The following THTPA variants were observed in gnomAD, a reference collection of about 807,000 sequenced individuals.
The protein encoded by THTPA is thiamine triphosphatase, also known as thiamine-triphosphatase.
In THTPA, 16 loss-of-function variants were observed where a neutral mutation model predicts 16.5. The ratio of observed to expected loss-of-function variants is 0.97; its 90% confidence interval spans 0.66 to 1.47. THTPA has a LOEUF of 1.47. THTPA is among the 40% of genes most tolerant of loss of function. The pLI is 0.00. For synonymous variants in THTPA, 110 were observed against 115.5 expected (o/e 0.95, Z 0.30); for missense variants, 281 against 280.9 (o/e 1.00, Z 0.00).
chr14:23,531,836 G>C, the THTPA span: 2 of 1,227,172 alleles, frequency 1.6e-6, no homozygotes. Flanking sequence ...GGAGTGCAGT[G>C]GCATGATCTC....
the THTPA span, among the ~76,000 whole-genome samples, chr14:23,548,946 TTCC>T: frequency 3.3e-5 from 5 of 152,176 alleles, no homozygotes; most frequent in Non-Finnish European, 7.3e-5. Flanking sequence ...CTCTCCTCTT[TTCC>T]TCCTACCAAG....
chr14:23,513,321 G>T, the THTPA span: 1 of 152,328 alleles, frequency 6.6e-6, no homozygotes, highest in East Asian at 1.9e-4. Flanking sequence ...TGCTGAATCC[G>T]GCTGCCTCCT....
At position 23,559,744 on chromosome 14, in the gene THTPA, G is replaced by T; in HGVS notation, c.*904G>T. On this transcript the variant is annotated 3_prime_UTR_variant, in exon 2 of 2. Coordinates refer to ENST00000288014, the MANE Select transcript of THTPA (RefSeq NM_024328.6). ...AGGAGAATTTCAGGCTGTGAGTGGAGACAGTTACTGCCACGATTCCACAGG... is the reference window on the plus strand; with the variant it reads ...AGGAGAATTTCAGGCTGTGAGTGGATACAGTTACTGCCACGATTCCACAGG... 6.2e-7 allele frequency: 1 copy of T among 1,613,834 alleles called. No homozygotes were observed. Among genetic ancestry groups the T allele is most frequent in the African/African-American group, 1.3e-5 (1 of 75,032 alleles).
the THTPA span, among the ~76,000 whole-genome samples, chr14:23,550,804 C>T: frequency 6.6e-6 from 1 of 152,172 alleles, no homozygotes; most frequent in Non-Finnish European, 1.5e-5. Flanking sequence ...CGAACGAAGA[C>T]TGAGAGTATC....
At chr14:23,527,904 T>C in the THTPA span, 1 of 434,862 alleles carries the variant, frequency 2.3e-6, no homozygotes, top group Non-Finnish European at 3.3e-6. Flanking sequence ...CCCACTCCTT[T>C]TTTTTTTTTT....
At chr14:23,555,619 T>G (rs1420934718), upstream of THTPA, 1 of 152,140 alleles carries the variant, frequency 6.6e-6, no homozygotes, top group South Asian at 2.1e-4. Context: ...AGGTATTAGA[T>G]CCCCTCTAAA....
chr14:23,515,424 A>G, the THTPA span, among the ~76,000 whole-genome samples: 3 of 152,220 alleles, frequency 2.0e-5, no homozygotes, highest in Admixed American at 6.5e-5. Flanking sequence ...CAGAAAGACT[A>G]TGCAAGGCAC....
At chr14:23,518,769 T>TACTA in the THTPA span, among the ~76,000 whole-genome samples, 1 of 152,194 alleles carries the variant, frequency 6.6e-6, no homozygotes, top group African/African-American at 2.4e-5. The surrounding 1 kb of genome is among the most constrained non-coding windows in gnomAD (Gnocchi z 4.5). Flanking sequence ...CGGCTGTTAC[T>TACTA]CCACAGGAGA....
At position 23,556,479 on chromosome 14, in the gene THTPA, T is replaced by G; in HGVS notation, c.-279T>G. 2.3e-6 allele frequency: 1 copy of G among 440,248 alleles called. No homozygotes were observed. The highest frequency in any genetic ancestry group is 4.1e-6 in the Non-Finnish European group (1 of 245,294). 27.3% of individuals were successfully genotyped at this position (440,248 alleles called of 1,614,324 possible). ...AAGGACACCCGCTACCCGGCCTGCT[T>G]TCTAGGGGTCTCTTTGGATTGAGGA... On this transcript the variant is annotated 5_prime_UTR_variant, in exon 1 of 2. Transcript: ENST00000288014.
Position 23,560,101 on chromosome 14 carries a change from C to T in THTPA, c.*1261C>T. 4 of 1,401,578 alleles carry T rather than the reference C, an allele frequency of 2.9e-6. No individual in the cohort carries two copies. The highest frequency in any genetic ancestry group is 4.0e-6 in the Non-Finnish European group (4 of 1,006,406). The allele number at this position is 1,401,578 out of a possible 1,614,324, so 86.8% of individuals were successfully genotyped here. On this transcript the variant is annotated 3_prime_UTR_variant, in exon 2 of 2. Coordinates refer to ENST00000288014, the MANE Select transcript of THTPA (RefSeq NM_024328.6). Reference sequence around the variant, plus strand: ...GTAGGGCTCAGGCAGCCCCTCTATACTCAGTGGCTCCACACCCTTTTCCTG... The same window carrying T: ...GTAGGGCTCAGGCAGCCCCTCTATATTCAGTGGCTCCACACCCTTTTCCTG...
the THTPA span, among the ~76,000 whole-genome samples, chr14:23,541,226 C>T: frequency 6.6e-6 from 1 of 151,490 alleles, no homozygotes; most frequent in South Asian, 2.1e-4. Flanking sequence ...CCTTTCTTGA[C>T]CAAGACTCAT....
the THTPA span, among the ~76,000 whole-genome samples, chr14:23,538,511 C>T: frequency 6.6e-6 from 1 of 152,080 alleles, no homozygotes; most frequent in Non-Finnish European, 1.5e-5. Context: ...GAACTGGAGA[C>T]AGTGCAGAAA....
chr14:23,529,606 A>C, the THTPA span: 11 of 1,164,116 alleles, frequency 9.4e-6, no homozygotes, highest in African/African-American at 1.5e-4. Flanking sequence ...TTCTGAGTGA[A>C]ATAAGTCAAA....
At chr14:23,555,903 A>T (rs1882325963), upstream of THTPA, 1 of 152,266 alleles carries the variant, frequency 6.6e-6, no homozygotes, top group African/African-American at 2.4e-5. Flanking sequence ...TAGGTAGAGT[A>T]CCGCAGGCAC....
chr14:23,535,377 G>C, the THTPA span: 3 of 1,434,420 alleles, frequency 2.1e-6, no homozygotes, highest in Non-Finnish European at 2.7e-6. The surrounding 1 kb of genome is among the most constrained non-coding windows in gnomAD (Gnocchi z 4.5). Flanking sequence ...CCAGTACCCT[G>C]TAGGGAGACA....
chr14:23,538,122 GAC>G, the THTPA span: 1 of 152,362 alleles, frequency 6.6e-6, no homozygotes, highest in Non-Finnish European at 1.5e-5. Context: ...ACTGGAAAAA[GAC>G]ATAGCTGATT....
Position 23,560,204 on chromosome 14 carries a change from C to T in THTPA, c.*1364C>T. 1.9e-6 allele frequency: 3 copies of T among 1,597,902 alleles called. No homozygotes were observed. The highest frequency in any genetic ancestry group is 1.7e-6 in the Non-Finnish European group (2 of 1,169,448). ...CCCACCCACCTCCTCCACTTAGTGG[C>T]CTTTTCTCCTGGAGTCCCCAGGCCA... is the stretch of plus-strand genomic sequence containing the variant. On this transcript the variant is annotated 3_prime_UTR_variant, in exon 2 of 2. Transcript: ENST00000288014.
chr14:23,532,561 C>A, the THTPA span: 5 of 1,436,958 alleles, frequency 3.5e-6, no homozygotes, highest in Non-Finnish European at 4.6e-6. Flanking sequence ...CCTGACCCAG[C>A]CTCACCTTAT....
the THTPA span, chr14:23,522,815 G>C: frequency 6.5e-7 from 1 of 1,535,974 alleles, no homozygotes; most frequent in Non-Finnish European, 8.7e-7. Flanking sequence ...GCCTGCTGTG[G>C]AGGTGTTGGT....
Sources: allele counts gnomAD v4.1 joint callset (sites outside exome capture counted in the v4.1 genomes callset), GRCh38; gene constraint gnomAD v4.1.1; non-coding constraint Gnocchi (gnomAD v3.1); transcripts MANE v1.5; gene names NCBI Gene and HGNC (gene_info 2026-07-23, HGNC 2026-07-21).